The following GULP1 variants were observed in gnomAD, a reference collection of about 807,000 sequenced individuals.
GULP1 encodes the protein PTB domain-containing engulfment adapter protein 1.
Under a neutral mutation model 40.9 loss-of-function variants are expected in GULP1, and 19 were observed. That is an observed-to-expected ratio of 0.46 (90% CI 0.32 to 0.68). GULP1 has a LOEUF of 0.68. GULP1 is among the 30% of genes least tolerant of loss of function. GULP1 has a pLI of 0.03. For missense variants in GULP1, 312 were observed against 362.2 expected, an observed-to-expected ratio of 0.86 and a Z score of 1.12; for synonymous variants, 119 against 117.6, an observed-to-expected ratio of 1.01 and a Z score of -0.08.
At position 188,559,558 on chromosome 2, in the gene GULP1, G is replaced by A. The variant is rs144557278; in HGVS notation, c.400-9681G>A. Among the ~76,000 whole-genome samples the A allele has an allele frequency of 4.3e-3, 648 of 152,262 alleles. 6 individuals are homozygous for A. Among genetic ancestry groups the A allele is most frequent in the African/African-American group, 0.015 (611 of 41,578 alleles). On this transcript the variant is annotated intron_variant, in intron 7 of 11. Transcript: ENST00000409830. ...GGGAGCTGTGAGAAGAGGCCCACTT[G>A]CTTTTGATTTTACAGGCTCATAGGC...
chr2:188,396,514 G>T (rs2051297660), intron 2 of GULP1, among the ~76,000 whole-genome samples: 1 of 152,220 alleles, frequency 6.6e-6, no homozygotes, highest in Non-Finnish European at 1.5e-5. Context: ...CATCTGCAGT[G>T]TTCCACTAGC....
At chr2:188,359,293 T>A (rs72909527) in intron 1 of GULP1, among the ~76,000 whole-genome samples, 1,741 of 152,270 alleles carry the variant, frequency 0.011, 14 homozygotes, top group Non-Finnish European at 0.02. Context: ...GATGTAGTGA[T>A]GAGCAAAGAA....
chr2:188,484,741 A>G (rs2061718375), intron 4 of GULP1, among the ~76,000 whole-genome samples: 1 of 152,188 alleles, frequency 6.6e-6, no homozygotes, highest in Non-Finnish European at 1.5e-5. Context: ...TTAAAAGCCT[A>G]TGTAGAAGAA....
chr2:188,567,788 A>C (rs1441127377), intron 7 of GULP1, among the ~76,000 whole-genome samples: 1 of 152,154 alleles, frequency 6.6e-6, no homozygotes, highest in African/African-American at 2.4e-5. Context: ...AAGAAGAAAA[A>C]CGTCTTTTTA....
chr2:188,496,386 C>T (rs1055171820), intron 4 of GULP1, among the ~76,000 whole-genome samples: 2 of 151,936 alleles, frequency 1.3e-5, no homozygotes, highest in Non-Finnish European at 2.9e-5. Context: ...CTCACACAAA[C>T]ATTTGGCGAG....
rs778848433 is a variant in GULP1 at position 188,541,276 on chromosome 2, G to A, written c.357G>A (p.Glu119=). Reference sequence around the variant, plus strand: ...TCACTTTCATATGCAAAGATTCTGAGTCAAATAAACATTTGTGCTATGTAT... The same window carrying A: ...TCACTTTCATATGCAAAGATTCTGAATCAAATAAACATTTGTGCTATGTAT... ...RIFTFICKDS[E]SNKHLCYVFD... Residue 119 remains glutamate (E), a synonymous_variant, in exon 7 of 12, where the codon GAG becomes GAA. Transcript: ENST00000409830. 1.2e-6 allele frequency: 2 copies of A among 1,612,380 alleles called. No individual in the cohort carries two copies. The highest frequency in any genetic ancestry group is 1.7e-5 in the Admixed American group (1 of 60,018).
intron 9 of GULP1, among the ~76,000 whole-genome samples, chr2:188,571,297 A>G (rs75472605): frequency 0.032 from 4,853 of 152,318 alleles, 263 homozygotes; most frequent in African/African-American, 0.11. Context: ...ATCTAATACT[A>G]GAATCATTCA....
At chr2:188,293,502 AG>A (rs2034247028) in intron 1 of GULP1, among the ~76,000 whole-genome samples, 1 of 152,182 alleles carries the variant, frequency 6.6e-6, no homozygotes, top group Non-Finnish European at 1.5e-5. Context: ...AAAGTAAGGG[AG>A]ATTATTAGAC....
chr2:188,400,923 T>TTGTG (rs61060931), intron 2 of GULP1, among the ~76,000 whole-genome samples: 4,442 of 139,556 alleles, frequency 0.032, 92 homozygotes, highest in East Asian at 0.1. Context: ...AGTGGTGTGT[T>TTGTG]TGTGTGTGTG....
At chr2:188,452,437 G>T (rs1452865210) in intron 2 of GULP1, among the ~76,000 whole-genome samples, 10 of 152,126 alleles carry the variant, frequency 6.6e-5, no homozygotes, top group Admixed American at 3.9e-4. Context: ...TAGATGCCAA[G>T]AATTACAAAG....
intron 4 of GULP1, chr2:188,491,506 A>C (rs2153096985): frequency 6.6e-6 from 1 of 152,218 alleles, no homozygotes; most frequent in South Asian, 2.1e-4. Flanking sequence ...GAAAACACCA[A>C]GATTTTGGAA....
intron 4 of GULP1, among the ~76,000 whole-genome samples, chr2:188,501,404 G>GT (rs1318728204): frequency 6.6e-6 from 1 of 151,964 alleles, no homozygotes; most frequent in Non-Finnish European, 1.5e-5. Flanking sequence ...ACGTGGAACT[G>GT]TGAGTGGGTT....
intron 4 of GULP1, among the ~76,000 whole-genome samples, chr2:188,511,696 C>G (rs967186120): frequency 3.3e-5 from 5 of 151,984 alleles, no homozygotes; most frequent in South Asian, 2.1e-4. Flanking sequence ...TATTTTAAAA[C>G]AAGAGACTAT....
intron 2 of GULP1, among the ~76,000 whole-genome samples, chr2:188,458,555 C>G (rs190361607): frequency 7.4e-4 from 112 of 152,070 alleles, no homozygotes; most frequent in African/African-American, 2.6e-3. Flanking sequence ...TTTGTGGGTA[C>G]ATAGTAAGTG....
intron 1 of GULP1, among the ~76,000 whole-genome samples, chr2:188,344,947 T>TA (rs1014240424): frequency 2.0e-5 from 3 of 152,180 alleles, no homozygotes; most frequent in Admixed American, 6.5e-5. Flanking sequence ...TGTACTTTTT[T>TA]AAAAAAAGTA....
intron 1 of GULP1, among the ~76,000 whole-genome samples, chr2:188,370,946 CT>C (rs2047523251): frequency 6.6e-6 from 1 of 152,058 alleles, no homozygotes; most frequent in South Asian, 2.1e-4. Flanking sequence ...TTTTTCTCCT[CT>C]CTTTAACACT....
intron 7 of GULP1, among the ~76,000 whole-genome samples, chr2:188,549,816 TA>T (rs1692979258): frequency 6.6e-6 from 1 of 151,744 alleles, no homozygotes; most frequent in South Asian, 2.1e-4. Context: ...CTCCAGAGAT[TA>T]AGGAATGCAA....
At chr2:188,329,266 C>G (rs141398193) in intron 1 of GULP1, among the ~76,000 whole-genome samples, 1 of 152,008 alleles carries the variant, frequency 6.6e-6, no homozygotes, top group Non-Finnish European at 1.5e-5. Flanking sequence ...TATTACATCC[C>G]TCTTGTACCC....
At chr2:188,587,723 T>TA (rs1408168648) in intron 10 of GULP1, 132 bp from the exon 11 acceptor site, 3 of 594,918 alleles carry the variant, frequency 5.0e-6, no homozygotes, top group East Asian at 5.6e-5. Flanking sequence ...AAGCCCAACA[T>TA]ACAGTGTAAG....
Sources: gnomAD v4.1 joint callset for allele counts (sites outside exome capture counted in the v4.1 genomes callset) on GRCh38, gnomAD v4.1.1 for gene constraint, MANE v1.5 for transcripts, NCBI Gene and HGNC (gene_info 2026-07-23, HGNC 2026-07-21) for gene names.